PRTFDC1: variants seen among roughly 807,000 people sequenced by gnomAD.
PRTFDC1 encodes the protein phosphoribosyltransferase domain-containing protein 1.
PRTFDC1 carries 38 observed loss-of-function variants against 34.6 expected under a neutral mutation model. The observed-to-expected ratio is 1.10, with a 90% CI of 0.85 to 1.44. The LOEUF is 1.44. PRTFDC1 is among the 40% of genes most tolerant of loss of function. The probability of loss-of-function intolerance (pLI) is 0.00; values close to 1 mark genes in which losing one functional copy is unlikely to be tolerated. For missense variants in PRTFDC1, 270 were observed against 283.0 expected (o/e 0.95, Z 0.33); for synonymous variants, 93 against 98.1 (o/e 0.95, Z 0.31).
intron 4 of PRTFDC1, among the ~76,000 whole-genome samples, chr10:24,867,068 G>A (rs1847792957): frequency 6.6e-6 from 1 of 151,912 alleles, no homozygotes; most frequent in African/African-American, 2.4e-5. Flanking sequence ...GGGCTGTGTA[G>A]AGTCTCCTTT....
chr10:24,865,726 T>C (rs1847763160), intron 4 of PRTFDC1, among the ~76,000 whole-genome samples: 1 of 152,232 alleles, frequency 6.6e-6, no homozygotes, highest in Non-Finnish European at 1.5e-5. Flanking sequence ...TCTAGTATTT[T>C]AGAGCACACA....
chr10:24,890,634 A>G (rs1848244233), intron 3 of PRTFDC1, among the ~76,000 whole-genome samples: 1 of 152,184 alleles, frequency 6.6e-6, no homozygotes, highest in Non-Finnish European at 1.5e-5. Flanking sequence ...GGGAAGAGGG[A>G]ACAGGAGGGA....
At chr10:24,867,627 C>A (rs1295879918) in intron 4 of PRTFDC1, 4 of 151,964 alleles carry the variant, frequency 2.6e-5, no homozygotes, top group Non-Finnish European at 5.9e-5. Flanking sequence ...AGTGATCCTA[C>A]TCTTTTCTCG....
chr10:24,943,521 T>C (rs1849203196), intron 1 of PRTFDC1, among the ~76,000 whole-genome samples: 1 of 150,778 alleles, frequency 6.6e-6, no homozygotes, highest in African/African-American at 2.4e-5. Flanking sequence ...GATCATACTC[T>C]AGCTGTATTC....
chr10:24,930,089 A>G (rs1250831213), intron 3 of PRTFDC1, among the ~76,000 whole-genome samples: 1 of 152,036 alleles, frequency 6.6e-6, no homozygotes, highest in Non-Finnish European at 1.5e-5. Context: ...ACACACACAC[A>G]CACACAATCG....
At chr10:24,884,926 T>C (rs1190476343) in intron 3 of PRTFDC1, among the ~76,000 whole-genome samples, 1 of 152,182 alleles carries the variant, frequency 6.6e-6, no homozygotes, top group Admixed American at 6.5e-5. Flanking sequence ...CCCAGGACTC[T>C]CAGTGCTATT....
intron 3 of PRTFDC1, among the ~76,000 whole-genome samples, chr10:24,880,871 C>CTTTCTTTCTT (rs1555046694): frequency 3.5e-5 from 5 of 144,470 alleles, no homozygotes; most frequent in Non-Finnish European, 1.5e-5. Flanking sequence ...TTCTTTCTTT[C>CTTTCTTTCTT]TTTCTTTCCC....
chr10:24,919,428 A>C (rs1489131469), intron 3 of PRTFDC1, among the ~76,000 whole-genome samples: 1 of 152,248 alleles, frequency 6.6e-6, no homozygotes, highest in Non-Finnish European at 1.5e-5. Context: ...CTGGTTAGCC[A>C]TGTGCAGAAA....
chr10:24,853,410 AAGACC>A (rs1176443745), intron 7 of PRTFDC1, among the ~76,000 whole-genome samples: 2 of 152,006 alleles, frequency 1.3e-5, no homozygotes, highest in Non-Finnish European at 2.9e-5. Context: ...TCAGGAGTCC[AAGACC>A]AGCCTGGCCA....
At chr10:24,873,575 C>T (rs981682308) in intron 3 of PRTFDC1, among the ~76,000 whole-genome samples, 5 of 152,202 alleles carry the variant, frequency 3.3e-5, no homozygotes, top group Admixed American at 3.3e-4. Context: ...GGCCCTCCCT[C>T]TTCCTGGGGG....
intron 4 of PRTFDC1, among the ~76,000 whole-genome samples, chr10:24,860,012 A>G (rs901565008): frequency 3.9e-5 from 6 of 152,220 alleles, no homozygotes; most frequent in African/African-American, 1.4e-4. Context: ...AAATGGTGAG[A>G]CTATCCTTTC....
chr10:24,893,704 C>T (rs1002007671), intron 3 of PRTFDC1, among the ~76,000 whole-genome samples: 7 of 152,116 alleles, frequency 4.6e-5, no homozygotes, highest in Admixed American at 6.5e-5. Context: ...TGTGCAGGGT[C>T]GTACTTACTT....
At chr10:24,948,350 T>A (rs542079786) in intron 1 of PRTFDC1, among the ~76,000 whole-genome samples, 19 of 152,240 alleles carry the variant, frequency 1.2e-4, no homozygotes, top group African/African-American at 4.1e-4. Context: ...ATAGAGAAGA[T>A]CTTTATCTCT....
chr10:24,930,218 C>A (rs965602837), intron 3 of PRTFDC1, among the ~76,000 whole-genome samples: 2 of 152,084 alleles, frequency 1.3e-5, no homozygotes, highest in African/African-American at 4.8e-5. Flanking sequence ...TGGATTTGGC[C>A]TCCTAAAAGC....
intron 7 of PRTFDC1, 65 bp from the exon 8 acceptor site, chr10:24,851,529 C>A: frequency 2.5e-6 from 4 of 1,570,770 alleles, no homozygotes; most frequent in Non-Finnish European, 3.4e-6. Flanking sequence ...ATGCAAGTCA[C>A]CATATGCTGC....
At chr10:24,897,487 T>G (rs1848386382) in intron 3 of PRTFDC1, among the ~76,000 whole-genome samples, 1 of 152,204 alleles carries the variant, frequency 6.6e-6, no homozygotes. Flanking sequence ...CAATGTGATG[T>G]TTTGGCAAAA....
intron 3 of PRTFDC1, among the ~76,000 whole-genome samples, chr10:24,874,823 C>T (rs575891696): frequency 1.3e-5 from 2 of 152,210 alleles, no homozygotes; most frequent in East Asian, 3.9e-4. Context: ...CTGTAGTTCT[C>T]ATAATTCCCA....
intron 3 of PRTFDC1, among the ~76,000 whole-genome samples, chr10:24,877,306 T>A (rs1847984678): frequency 6.6e-6 from 1 of 151,984 alleles, no homozygotes; most frequent in Non-Finnish European, 1.5e-5. Flanking sequence ...ATCGTTGGGA[T>A]TATGGCCGTG....
intron 3 of PRTFDC1, among the ~76,000 whole-genome samples, chr10:24,878,334 A>T (rs1272927186): frequency 1.3e-5 from 2 of 152,112 alleles, no homozygotes; most frequent in Non-Finnish European, 2.9e-5. Context: ...GCCCAGTTCA[A>T]TCCTAGATTC....
Sources: allele counts gnomAD v4.1 joint callset (sites outside exome capture counted in the v4.1 genomes callset), GRCh38; gene constraint gnomAD v4.1.1; transcripts MANE v1.5; gene names NCBI Gene and HGNC (gene_info 2026-07-23, HGNC 2026-07-21).